PCDHA13: variants seen among roughly 807,000 people sequenced by gnomAD.
The protein encoded by PCDHA13 is protocadherin alpha 13, also known as protocadherin alpha-13.
Under a neutral mutation model 64.8 loss-of-function variants are expected in PCDHA13, and 54 were observed. The ratio of observed to expected loss-of-function variants is 0.83; its 90% CI spans 0.67 to 1.04. The LOEUF (loss-of-function observed/expected upper bound fraction) is 1.04, where lower values mean the gene tolerates loss of function less well. PCDHA13 is among the 50% of genes least tolerant of loss of function. The probability of loss-of-function intolerance (pLI) is 0.00; values close to 1 mark genes in which losing one functional copy is unlikely to be tolerated. For synonymous variants in PCDHA13, 587 were observed against 564.4 expected, an observed-to-expected ratio of 1.04 and a Z score of -0.57; for missense variants, 1,248 against 1,254.3, an observed-to-expected ratio of 0.99 and a Z score of 0.08.
At chr5:140,956,356 T>C (rs1283114496) in intron 1 of PCDHA13, among the ~76,000 whole-genome samples, 3 of 152,218 alleles carry the variant, frequency 2.0e-5, no homozygotes, top group Non-Finnish European at 4.4e-5. Flanking sequence ...ATTTTTAACA[T>C]GAAGGGATGT....
In PCDHA13 at chr5:140,949,013, T is replaced by C. The variant is rs541040709; in HGVS notation, c.2395-29936T>C. Among the ~76,000 whole-genome samples, 141 of 151,862 alleles carry C rather than the reference T, an allele frequency of 9.3e-4. No homozygotes were observed. In the Middle Eastern group the frequency reaches 0.01, roughly 11 times the overall value. On this transcript the variant is annotated intron_variant, in intron 1 of 3. Transcript: ENST00000289272. ...GCATTTTACTAATTTTTATATGTGATGTTTTTATTTTTATTCATTTAAAAG... is the reference window on the plus strand; with the variant it reads ...GCATTTTACTAATTTTTATATGTGACGTTTTTATTTTTATTCATTTAAAAG...
chr5:140,955,676 C>T (rs374545278), intron 1 of PCDHA13, among the ~76,000 whole-genome samples: 40 of 152,096 alleles, frequency 2.6e-4, no homozygotes, highest in African/African-American at 8.7e-4. Context: ...ATAGTTTTTT[C>T]GAAATCTGTG....
intron 1 of PCDHA13, chr5:140,929,155 C>G: frequency 6.2e-7 from 1 of 1,614,156 alleles, no homozygotes; most frequent in Non-Finnish European, 8.5e-7. Flanking sequence ...TCAGACTTAT[C>G]TCTATCGGGC....
intron 1 of PCDHA13, chr5:140,969,495 C>G: frequency 7.0e-7 from 1 of 1,437,888 alleles, no homozygotes; most frequent in Non-Finnish European, 9.2e-7. Context: ...TATTTCCTCT[C>G]TAGAAAAATA....
rs570244920 is a variant in PCDHA13, at chr5:140,897,293, A to G, written c.2394+12631A>G. Reference sequence around the variant, plus strand: ...GGTGTGCTGCACCCATTAACTCGTCATTTAGCATTAGGTATATCTCCTAAA... The same window carrying G: ...GGTGTGCTGCACCCATTAACTCGTCGTTTAGCATTAGGTATATCTCCTAAA... On this transcript the variant is annotated intron_variant, in intron 1 of 3. Transcript: ENST00000289272. Among the ~76,000 whole-genome samples the G allele has an allele frequency of 1.2e-4, 18 of 149,820 alleles. No homozygotes were observed. In the South Asian group the frequency reaches 3.5e-3, roughly 29 times the overall value.
chr5:140,979,619 G>A (rs1344525241), intron 2 of PCDHA13, among the ~76,000 whole-genome samples: 1 of 152,164 alleles, frequency 6.6e-6, no homozygotes, highest in African/African-American at 2.4e-5. Context: ...AACGGTATTA[G>A]TCTAAGACTC....
chr5:140,941,191 T>TTTTTTTCTTTC (rs1554213809), intron 1 of PCDHA13, among the ~76,000 whole-genome samples: 6 of 93,206 alleles, frequency 6.4e-5, no homozygotes, highest in Admixed American at 2.5e-4. Context: ...GCTTCTTTTT[T>TTTTTTTCTTTC]TTTCTTTCTT....
intron 1 of PCDHA13, among the ~76,000 whole-genome samples, chr5:140,905,749 C>T (rs1442006265): frequency 6.6e-6 from 1 of 152,162 alleles, no homozygotes; most frequent in Non-Finnish European, 1.5e-5. Flanking sequence ...AGATCTTTCA[C>T]CTCCTTGGTT....
chr5:140,952,813 G>A (rs1162015418), intron 1 of PCDHA13, among the ~76,000 whole-genome samples: 1 of 152,158 alleles, frequency 6.6e-6, no homozygotes, highest in African/African-American at 2.4e-5. Context: ...TCTGCAGGCT[G>A]TACAGGAAGC....
chr5:140,973,209 C>T (rs1273068326), intron 1 of PCDHA13, among the ~76,000 whole-genome samples: 4 of 152,100 alleles, frequency 2.6e-5, no homozygotes, highest in Non-Finnish European at 4.4e-5. Flanking sequence ...GCATATTCAC[C>T]CTAATTCCAG....
At chr5:140,996,842 T>C (rs2097749816) in intron 3 of PCDHA13, among the ~76,000 whole-genome samples, 1 of 152,240 alleles carries the variant, frequency 6.6e-6, no homozygotes, top group African/African-American at 2.4e-5. Context: ...TTAGCGTGCA[T>C]CTTCAGAATT....
At chr5:140,904,015 A>G (rs1374371306) in intron 1 of PCDHA13, among the ~76,000 whole-genome samples, 1 of 152,234 alleles carries the variant, frequency 6.6e-6, no homozygotes, top group Non-Finnish European at 1.5e-5. Context: ...ACTTTAAAAA[A>G]TAATGGTATA....
intron 1 of PCDHA13, among the ~76,000 whole-genome samples, chr5:140,909,201 C>T (rs1379290108): frequency 2.0e-5 from 3 of 152,136 alleles, no homozygotes; most frequent in South Asian, 2.1e-4. Context: ...GACACAAAGC[C>T]GGAGAGTTGA....
chr5:140,981,881 C>G (rs138571007), intron 2 of PCDHA13, among the ~76,000 whole-genome samples: 1 of 152,158 alleles, frequency 6.6e-6, no homozygotes, highest in Non-Finnish European at 1.5e-5. Context: ...CTGAATTAAT[C>G]TCTTCTGAGC....
At chr5:140,891,419 C>T (rs925275455) in intron 1 of PCDHA13, among the ~76,000 whole-genome samples, 1 of 147,378 alleles carries the variant, frequency 6.8e-6, no homozygotes, top group African/African-American at 2.5e-5. Flanking sequence ...CACTCTTGCC[C>T]CCAAGTCCCC....
chr5:140,927,093 G>T (rs781998184), intron 1 of PCDHA13: 1 of 1,612,818 alleles, frequency 6.2e-7, no homozygotes, highest in Non-Finnish European at 8.5e-7. Flanking sequence ...TCTACTTCGG[G>T]GTGGATCTAC....
intron 1 of PCDHA13, chr5:140,966,920 C>A: frequency 6.2e-7 from 1 of 1,602,672 alleles, no homozygotes; most frequent in South Asian, 1.1e-5. Flanking sequence ...GCCAGAGGAG[C>A]AGGCACCCGG....
At chr5:140,961,975 C>T (rs1241757389) in intron 1 of PCDHA13, among the ~76,000 whole-genome samples, 1 of 152,034 alleles carries the variant, frequency 6.6e-6, no homozygotes, top group Non-Finnish European at 1.5e-5. Flanking sequence ...CCTCCGCCTC[C>T]TGGGTTCACG....
intron 1 of PCDHA13, chr5:140,929,214 G>A: frequency 1.2e-6 from 2 of 1,614,076 alleles, no homozygotes; most frequent in Non-Finnish European, 1.7e-6. Context: ...TGCGTGGGGA[G>A]TACAATGCTG....
Sources: gnomAD v4.1 joint callset for allele counts (sites outside exome capture counted in the v4.1 genomes callset) on GRCh38, gnomAD v4.1.1 for gene constraint, MANE v1.5 for transcripts, NCBI Gene and HGNC (gene_info 2026-07-23, HGNC 2026-07-21) for gene names.